Variants in ROBO1 observed in about 807,000 individuals in gnomAD.
The protein encoded by ROBO1 is roundabout guidance receptor 1, also known as roundabout homolog 1.
A neutral mutation model predicts 195.9 loss-of-function variants in ROBO1; 149 were observed. The observed-to-expected ratio is 0.76, with a 90% CI of 0.67 to 0.87. The LOEUF is 0.87. Ranked by LOEUF, ROBO1 falls within the 40% of genes least tolerant of loss-of-function variation. The probability of loss-of-function intolerance (pLI) is 0.00; values close to 1 mark genes in which losing one functional copy is unlikely to be tolerated. For missense variants in ROBO1, 1,933 were observed against 2,068.3 expected, an observed-to-expected ratio of 0.93 and a Z score of 1.27; for synonymous variants, 816 against 733.2, an observed-to-expected ratio of 1.11 and a Z score of -1.82.
chr3:78,620,017 C>CAA (rs11314248), intron 26 of ROBO1, among the ~76,000 whole-genome samples: 44 of 107,782 alleles, frequency 4.1e-4, no homozygotes, highest in African/African-American at 1.1e-3. Flanking sequence ...GACTCTGTCT[C>CAA]AAAAAAAAAA....
chr3:78,797,933 C>T (rs1373075003), intron 4 of ROBO1, among the ~76,000 whole-genome samples: 3 of 152,076 alleles, frequency 2.0e-5, no homozygotes, highest in Non-Finnish European at 4.4e-5. Context: ...AAACAGGGAA[C>T]AGCAATGTAA....
intron 3 of ROBO1, among the ~76,000 whole-genome samples, chr3:78,950,676 A>G: frequency 6.7e-6 from 1 of 149,468 alleles, no homozygotes; most frequent in Non-Finnish European, 1.5e-5. Flanking sequence ...AATAAAATAA[A>G]TGTAATATTA....
intron 4 of ROBO1, among the ~76,000 whole-genome samples, chr3:78,813,074 G>A (rs1181509779): frequency 6.6e-6 from 1 of 151,718 alleles, no homozygotes; most frequent in Non-Finnish European, 1.5e-5. Flanking sequence ...TCCAGATATC[G>A]ACATTTTAAG....
In ROBO1 at chr3:79,378,871, A is replaced by G. The variant is rs186353282; in HGVS notation, c.88+210953T>C. Among the ~76,000 whole-genome samples the G allele has an allele frequency of 5.6e-3, 855 of 152,330 alleles. 6 individuals carry two copies. The highest frequency in any genetic ancestry group is 7.9e-3 in the Non-Finnish European group (535 of 68,028). The stretch of plus-strand genomic sequence containing the variant: ...CAGGGAAAGGCTGAGCATCAGTTTC[A>G]GCTCCGCCTCTTCCTGTGTAACCCT... On this transcript the variant is annotated intron_variant, in intron 2 of 30. Coordinates refer to ENST00000464233, the MANE Select transcript of ROBO1 (RefSeq NM_002941.4).
intron 8 of ROBO1, among the ~76,000 whole-genome samples, chr3:78,709,160 T>G (rs776589915): frequency 7.2e-5 from 11 of 152,194 alleles, no homozygotes; most frequent in Non-Finnish European, 1.5e-4. Flanking sequence ...AATGTGAGGT[T>G]CAGGTTTACT....
In ROBO1 at chr3:79,178,773, T is replaced by G. The variant is rs372111261; in HGVS notation, c.89-53234A>C. Among the ~76,000 whole-genome samples the G allele has an allele frequency of 2.6e-5, 4 of 152,274 alleles. No homozygotes were observed. In the East Asian group the frequency reaches 7.7e-4, roughly 29 times the overall value. On this transcript the variant is annotated intron_variant, in intron 2 of 30. Coordinates refer to ENST00000464233, the MANE Select transcript of ROBO1 (RefSeq NM_002941.4). ...ATCATAATCACAGATGCTGGGGGAT[T>G]AATGCTAAGATGAAAGCTTCATGAA...
chr3:78,720,244 A>T (rs980314016), intron 5 of ROBO1, among the ~76,000 whole-genome samples: 1 of 152,208 alleles, frequency 6.6e-6, no homozygotes, highest in Non-Finnish European at 1.5e-5. Context: ...TGTGGGAGGA[A>T]ATGACTTGTG....
At chr3:78,713,199 T>C (rs1049112453) in intron 8 of ROBO1, among the ~76,000 whole-genome samples, 1 of 152,180 alleles carries the variant, frequency 6.6e-6, no homozygotes, top group Non-Finnish European at 1.5e-5. Flanking sequence ...TCCTTTTGTT[T>C]TTATGAGATT....
At chr3:78,834,149 A>G (rs2032487873) in intron 4 of ROBO1, among the ~76,000 whole-genome samples, 1 of 152,140 alleles carries the variant, frequency 6.6e-6, no homozygotes, top group Admixed American at 6.6e-5. Context: ...AGATACAATG[A>G]AGTGGTGTTG....
chr3:78,793,020 G>A (rs2084069871), intron 4 of ROBO1, among the ~76,000 whole-genome samples: 2 of 151,828 alleles, frequency 1.3e-5, no homozygotes, highest in African/African-American at 2.4e-5. Flanking sequence ...TACTTGGCAG[G>A]CTGAGGCAGG....
chr3:78,943,234 T>TTTTTG (rs1210882928), intron 3 of ROBO1, among the ~76,000 whole-genome samples: 3 of 151,482 alleles, frequency 2.0e-5, no homozygotes, highest in South Asian at 2.1e-4. Flanking sequence ...CAAAGAAAGG[T>TTTTTG]TTTTGTTTTG....
intron 2 of ROBO1, among the ~76,000 whole-genome samples, chr3:79,133,650 TA>T (rs1421206248): frequency 1.3e-5 from 1 of 77,606 alleles, no homozygotes; most frequent in East Asian, 3.3e-4. Context: ...TAGCTCAGAG[TA>T]ATTTGATCGT....
rs574884989 is a variant in ROBO1, at chr3:79,395,279, G to A, written c.88+194545C>T. 1.2e-4 allele frequency among the ~76,000 whole-genome samples: 16 copies of A among 131,506 alleles called. 1 individual carries two copies. The highest frequency in any genetic ancestry group is 4.7e-4 in the South Asian group (2 of 4,270). The allele number at this position is 131,506 out of a possible 152,430, so 86.3% of individuals were successfully genotyped here. A position where few individuals can be genotyped will look rare whatever the true frequency, so the allele number is the denominator to read the frequency against. On this transcript the variant is annotated intron_variant, in intron 2 of 30. Transcript: ENST00000464233. Reference sequence around the variant, plus strand: ...AGAGCTTGCAGTGAGCCGAGATCCCGCCACTGTACTCCAGCCTGGGCGATA... The same window carrying A: ...AGAGCTTGCAGTGAGCCGAGATCCCACCACTGTACTCCAGCCTGGGCGATA...
intron 3 of ROBO1, among the ~76,000 whole-genome samples, chr3:79,115,314 A>C (rs2079973379): frequency 6.6e-6 from 1 of 152,140 alleles, no homozygotes; most frequent in Non-Finnish European, 1.5e-5. Flanking sequence ...AGAGGGGAGA[A>C]CTTTGAAGGA....
intron 14 of ROBO1, among the ~76,000 whole-genome samples, chr3:78,664,175 TCTC>T (rs1245433900): frequency 6.6e-6 from 1 of 152,146 alleles, no homozygotes; most frequent in Non-Finnish European, 1.5e-5. Context: ...TTGTTCTCCT[TCTC>T]CTGAAAGAAA....
At chr3:79,489,010 C>T (rs1350274825) in intron 2 of ROBO1, among the ~76,000 whole-genome samples, 1 of 151,946 alleles carries the variant, frequency 6.6e-6, no homozygotes, top group African/African-American at 2.4e-5. Flanking sequence ...AATGACCAAA[C>T]ATTTCACTTA....
At chr3:78,930,683 C>T (rs1191206387) in intron 4 of ROBO1, among the ~76,000 whole-genome samples, 1 of 152,154 alleles carries the variant, frequency 6.6e-6, no homozygotes. Flanking sequence ...TAAAATTAAG[C>T]CAAATCTTTG....
chr3:79,243,750 A>C (rs1177084206), intron 2 of ROBO1, among the ~76,000 whole-genome samples: 1 of 152,082 alleles, frequency 6.6e-6, no homozygotes, highest in Non-Finnish European at 1.5e-5. Context: ...AGATGAGTAG[A>C]TTGCAAAAAT....
intron 2 of ROBO1, among the ~76,000 whole-genome samples, chr3:79,444,801 T>C (rs2039183623): frequency 6.6e-6 from 1 of 152,126 alleles, no homozygotes; most frequent in South Asian, 2.1e-4. Flanking sequence ...GCTATATGCA[T>C]TAACATAAAT....
Sources: gnomAD v4.1 joint callset for allele counts (sites outside exome capture counted in the v4.1 genomes callset) on GRCh38, gnomAD v4.1.1 for gene constraint, MANE v1.5 for transcripts, NCBI Gene and HGNC (gene_info 2026-07-23, HGNC 2026-07-21) for gene names.